TRABD2B: variants seen among roughly 807,000 people sequenced by gnomAD.
TRABD2B encodes the protein TraB domain containing 2B.
Under a neutral mutation model 40.1 loss-of-function variants are expected in TRABD2B, and 14 were observed. The ratio of observed to expected loss-of-function variants is 0.35; its 90% CI spans 0.23 to 0.55. The LOEUF (loss-of-function observed/expected upper bound fraction) is 0.55. TRABD2B is among the 20% of genes least tolerant of loss of function. TRABD2B has a pLI of 0.90. For synonymous variants in TRABD2B, 263 were observed against 277.0 expected, an observed-to-expected ratio of 0.95 and a Z score of 0.50; for missense variants, 541 against 648.6, an observed-to-expected ratio of 0.83 and a Z score of 1.80.
At chr1:47,858,568 T>C (rs1188541706) in intron 2 of TRABD2B, among the ~76,000 whole-genome samples, 2 of 152,226 alleles carry the variant, frequency 1.3e-5, no homozygotes, top group Admixed American at 1.3e-4. Flanking sequence ...CACACTATAT[T>C]CTTAATAGCC....
At chr1:47,988,533 C>T (rs111685145) in intron 2 of TRABD2B, among the ~76,000 whole-genome samples, 6,277 of 152,172 alleles carry the variant, frequency 0.041, 194 homozygotes, top group Middle Eastern at 0.11. Context: ...CAGCCTGTGC[C>T]GTGACAGGCT....
intron 2 of TRABD2B, among the ~76,000 whole-genome samples, chr1:47,976,444 G>A (rs1645756683): frequency 6.6e-6 from 1 of 151,932 alleles, no homozygotes; most frequent in South Asian, 2.1e-4. Context: ...CACCTTCCAG[G>A]CATTCAACAA....
intron 2 of TRABD2B, among the ~76,000 whole-genome samples, chr1:47,913,606 T>C (rs1407943421): frequency 6.6e-6 from 1 of 152,156 alleles, no homozygotes; most frequent in Non-Finnish European, 1.5e-5. Context: ...AAGACAGGAA[T>C]GCATGCAGCG....
chr1:47,969,922 C>G (rs1645656902), intron 2 of TRABD2B, among the ~76,000 whole-genome samples: 2 of 152,124 alleles, frequency 1.3e-5, no homozygotes, highest in African/African-American at 2.4e-5. Context: ...CCGACTTCAC[C>G]TCCCCCACCG....
chr1:47,784,013 C>T (rs562511897), intron 4 of TRABD2B, among the ~76,000 whole-genome samples: 4 of 152,334 alleles, frequency 2.6e-5, no homozygotes, highest in South Asian at 2.1e-4. Flanking sequence ...ATGATTCCTT[C>T]GTTTGATGAC....
At chr1:47,779,610 G>A (rs1644493339) in intron 4 of TRABD2B, among the ~76,000 whole-genome samples, 2 of 152,266 alleles carry the variant, frequency 1.3e-5, no homozygotes, top group Middle Eastern at 3.4e-3. Context: ...CTGGACACAG[G>A]AGGTGCTGGG....
chr1:47,800,974 G>GT (rs1644815714), intron 3 of TRABD2B, among the ~76,000 whole-genome samples: 1 of 152,184 alleles, frequency 6.6e-6, no homozygotes, highest in Non-Finnish European at 1.5e-5. Context: ...CACCATGAGA[G>GT]CAATGAATGG....
chr1:47,937,246 T>TCATCAC (rs1645123091), intron 2 of TRABD2B, among the ~76,000 whole-genome samples: 1 of 150,696 alleles, frequency 6.6e-6, no homozygotes, highest in Admixed American at 6.6e-5. Flanking sequence ...ACCACCATGA[T>TCATCAC]CATCACCATC....
chr1:47,833,800 T>C (rs745452964), intron 2 of TRABD2B, among the ~76,000 whole-genome samples: 4 of 152,236 alleles, frequency 2.6e-5, no homozygotes, highest in Non-Finnish European at 5.9e-5. Context: ...AACCATTTGG[T>C]GGACTAAGGA....
At chr1:47,938,990 T>G (rs996828001) in intron 2 of TRABD2B, among the ~76,000 whole-genome samples, 9 of 151,528 alleles carry the variant, frequency 5.9e-5, no homozygotes, top group Admixed American at 1.3e-4. Flanking sequence ...GGGTGTGAAT[T>G]AGGAGGAAGA....
intron 2 of TRABD2B, among the ~76,000 whole-genome samples, chr1:47,947,182 T>C (rs983914568): frequency 2.6e-5 from 4 of 152,248 alleles, no homozygotes; most frequent in Non-Finnish European, 4.4e-5. Context: ...TCAAAGCTTA[T>C]GTTCTTCCCA....
At chr1:47,964,484 A>G (rs1645569747) in intron 2 of TRABD2B, among the ~76,000 whole-genome samples, 1 of 152,200 alleles carries the variant, frequency 6.6e-6, no homozygotes, top group Non-Finnish European at 1.5e-5. Flanking sequence ...ACTGAGTGTC[A>G]TGTTTTGAAA....
At chr1:47,769,909 G>C (rs979677450) in intron 6 of TRABD2B, among the ~76,000 whole-genome samples, 1 of 151,788 alleles carries the variant, frequency 6.6e-6, no homozygotes, top group African/African-American at 2.4e-5. Flanking sequence ...ACTTTAAAAT[G>C]TTTACTAGCA....
Position 47,994,030 on chromosome 1 carries a change from C to A in TRABD2B, c.666+4G>T. 1 of 1,532,730 alleles carries A rather than the reference C, an allele frequency of 6.5e-7. No individual in the cohort carries two copies. Among genetic ancestry groups the A allele is most frequent in the African/African-American group, 1.4e-5 (1 of 73,122 alleles). 94.9% of individuals were successfully genotyped at this position (1,532,730 alleles called of 1,614,324 possible). On this transcript the variant is annotated splice_donor_region_variant and intron_variant, in intron 2 of 6. Coordinates refer to ENST00000606738, the MANE Select transcript of TRABD2B (RefSeq NM_001194986.2). This position sits in a 1 kb window ranked among gnomAD's most constrained non-coding sequence, Gnocchi z 6.7. ...AGCTCCGGGCTGGGGCACTGCATGC[C>A]TACCTGGGAGAAGTTGAGCCCGTTG...
chr1:47,961,980 T>C (rs528253784), intron 2 of TRABD2B, among the ~76,000 whole-genome samples: 13 of 152,178 alleles, frequency 8.5e-5, no homozygotes, highest in Non-Finnish European at 4.4e-5. Flanking sequence ...CCATCAATGA[T>C]AGACTGGATT....
rs947980478 is a variant in TRABD2B, at chr1:47,763,636, A to G, written c.*2266T>C. On this transcript the variant is annotated 3_prime_UTR_variant, in exon 7 of 7. Coordinates refer to ENST00000606738, the MANE Select transcript of TRABD2B (RefSeq NM_001194986.2). ...ACCTTCTTGGCTCAGTGCCTGGCAC[A>G]GATCTGGGCACACGGTCAGGTGCCT... 6.6e-6 allele frequency: 1 copy of G among 152,250 alleles called. No homozygotes were observed. The highest frequency in any genetic ancestry group is 2.4e-5 in the African/African-American group (1 of 41,462). 9.4% of individuals were successfully genotyped at this position (152,250 alleles called of 1,614,324 possible).
chr1:47,787,117 G>A (rs1644606546), intron 4 of TRABD2B, among the ~76,000 whole-genome samples: 1 of 152,196 alleles, frequency 6.6e-6, no homozygotes, highest in Admixed American at 6.5e-5. Context: ...GAAGAACCAT[G>A]ATGGGGAAGG....
chr1:47,933,358 C>T (rs573111164), intron 2 of TRABD2B, among the ~76,000 whole-genome samples: 11 of 152,060 alleles, frequency 7.2e-5, no homozygotes, highest in East Asian at 1.9e-4. Context: ...GTGATCCACC[C>T]GCCTCAGCCT....
intron 4 of TRABD2B, among the ~76,000 whole-genome samples, chr1:47,782,608 G>A (rs937367480): frequency 2.0e-5 from 3 of 152,152 alleles, no homozygotes. Context: ...ATCCCCAGGA[G>A]ACCTGAGCTC....
Sources: allele counts gnomAD v4.1 joint callset (sites outside exome capture counted in the v4.1 genomes callset), GRCh38; gene constraint gnomAD v4.1.1; non-coding constraint Gnocchi (gnomAD v3.1); transcripts MANE v1.5; gene names NCBI Gene and HGNC (gene_info 2026-07-23, HGNC 2026-07-21).